Variants in ATP11A observed in about 807,000 individuals in gnomAD.
ATP11A encodes phospholipid-transporting ATPase IH.
ATP11A carries 81 observed loss-of-function variants against 154.4 expected under a neutral mutation model. The ratio of observed to expected loss-of-function variants is 0.52; its 90% CI spans 0.44 to 0.63. ATP11A has a LOEUF of 0.63. Ranked by LOEUF, ATP11A falls within the 30% of genes least tolerant of loss-of-function variation. The pLI is 0.00. For missense variants in ATP11A, 1,316 were observed against 1,474.3 expected (o/e 0.89, Z 1.76); for synonymous variants, 623 against 585.9 (o/e 1.06, Z -0.91).
chr13:112,806,144 C>G (rs1198727596), intron 3 of ATP11A, 69 bp from the exon 4 acceptor site: 4 of 1,251,658 alleles, frequency 3.2e-6, no homozygotes, highest in Non-Finnish European at 4.6e-6. Flanking sequence ...TGGCTCAGGG[C>G]AAACTAACCT....
chr13:112,699,218 A>G (rs879669623), intron 1 of ATP11A, among the ~76,000 whole-genome samples: 7 of 152,224 alleles, frequency 4.6e-5, no homozygotes, highest in East Asian at 1.9e-4. Flanking sequence ...CTCAACTCAG[A>G]TGAGTTATTC....
At chr13:112,816,263 G>A (rs554547414) in intron 6 of ATP11A, 52 bp downstream of exon 6, 126 of 1,611,184 alleles carry the variant, frequency 7.8e-5, no homozygotes, top group Middle Eastern at 3.3e-4. Context: ...GTCCTGCTTC[G>A]GACTGTGCCC....
At chr13:112,843,131 C>T (rs549452084) in intron 17 of ATP11A, among the ~76,000 whole-genome samples, 5 of 151,514 alleles carry the variant, frequency 3.3e-5, no homozygotes, top group African/African-American at 9.7e-5. Context: ...GTTGGGTGGA[C>T]GTGCTCTCTC....
intron 28 of ATP11A, 122 bp from the exon 29 acceptor site, chr13:112,878,095 C>A: frequency 1.1e-6 from 1 of 935,892 alleles, no homozygotes; most frequent in South Asian, 1.4e-5. Flanking sequence ...CTCTGACTAA[C>A]TCAGCTCTGT....
At chr13:112,834,763 C>A in intron 15 of ATP11A, 103 bp downstream of exon 15, 1 of 904,148 alleles carries the variant, frequency 1.1e-6, no homozygotes, top group East Asian at 2.6e-5. Context: ...CTATGTTCTC[C>A]CACAATTCGC....
At position 112,746,657 on chromosome 13, in the gene ATP11A, C is replaced by T. The variant is rs1362046622; in HGVS notation, c.40-38478C>T. 1 of 151,580 alleles carries T rather than the reference C, an allele frequency of 6.6e-6. No individual in the cohort carries two copies. The highest frequency in any genetic ancestry group is 2.4e-5 in the African/African-American group (1 of 41,222). 9.4% of individuals were successfully genotyped at this position (151,580 alleles called of 1,614,324 possible). ...ACCTCCTGGGCTCAAGCGATCCTCC[C>T]ACCTCAGTCTCCCCAGTAGCTGGGA... is the stretch of plus-strand genomic sequence containing the variant. On this transcript the variant is annotated intron_variant, in intron 1 of 29. Coordinates refer to ENST00000375645, the MANE Select transcript of ATP11A (RefSeq NM_015205.3). This position sits in a 1 kb window ranked among gnomAD's most constrained non-coding sequence, Gnocchi z 4.1.
At chr13:112,719,342 C>A (rs529474037) in intron 1 of ATP11A, among the ~76,000 whole-genome samples, 1 of 152,328 alleles carries the variant, frequency 6.6e-6, no homozygotes, top group African/African-American at 2.4e-5. Flanking sequence ...TTGTTATATT[C>A]TCACGTAATC....
At chr13:112,790,062 C>T (rs568443837) in intron 2 of ATP11A, among the ~76,000 whole-genome samples, 274 of 147,594 alleles carry the variant, frequency 1.9e-3, no homozygotes, top group Middle Eastern at 0.016. Flanking sequence ...AATTCACACC[C>T]GGCATCCTGA....
intron 12 of ATP11A, among the ~76,000 whole-genome samples, chr13:112,827,357 C>T (rs542513677): frequency 7.2e-5 from 11 of 152,348 alleles, no homozygotes; most frequent in Middle Eastern, 6.8e-3. Flanking sequence ...CGGGCTTCAC[C>T]GCCACACCTC....
Position 112,835,740 on chromosome 13 carries a change from A to T in ATP11A, c.1632-438A>T, listed in dbSNP as rs527718053. On this transcript the variant is annotated intron_variant, in intron 15 of 29. Transcript: ENST00000375645. ...CACAGGTTTTCTGAGTCTTCCGGTA[A>T]CAGGACAGCACCAGCCAAAACGCTT... 2.6e-5 allele frequency among the ~76,000 whole-genome samples: 4 copies of T among 152,352 alleles called. No individual in the cohort carries two copies. In the East Asian group the frequency reaches 7.7e-4, roughly 29 times the overall value.
At chr13:112,834,994 C>T (rs1009566999) in intron 15 of ATP11A, among the ~76,000 whole-genome samples, 1 of 152,272 alleles carries the variant, frequency 6.6e-6, no homozygotes, top group Non-Finnish European at 1.5e-5. Flanking sequence ...GTTCTGACCT[C>T]TCCAGGCCCC....
At chr13:112,845,793 T>TAGCGGTACTAACCAATCCAGTTA (rs1566564944) in intron 17 of ATP11A, among the ~76,000 whole-genome samples, 4 of 75,234 alleles carry the variant, frequency 5.3e-5, no homozygotes, top group East Asian at 6.3e-4. Flanking sequence ...CAGTCCAGTT[T>TAGCGGTACTAACCAATCCAGTTA]CCAGGCACTA....
chr13:112,859,552 C>T lies in ATP11A; in HGVS notation c.2727+100C>T. On this transcript the variant is annotated intron_variant, in intron 23 of 29. Transcript: ENST00000375645. This position sits in a 1 kb window ranked among gnomAD's most constrained non-coding sequence, Gnocchi z 4.3. Reference sequence around the variant, plus strand: ...AGGGGAGACTTGGGAATGAGCAGCACTCCCCGGCACCACGAGGGAGCCAGG... The same window carrying T: ...AGGGGAGACTTGGGAATGAGCAGCATTCCCCGGCACCACGAGGGAGCCAGG... 2 of 1,028,520 alleles carry T rather than the reference C, an allele frequency of 1.9e-6. No homozygotes were observed. Among genetic ancestry groups the T allele is most frequent in the Non-Finnish European group, 3.1e-6 (2 of 650,828 alleles). The allele number at this position is 1,028,520 out of a possible 1,614,324, so 63.7% of individuals were successfully genotyped here.
intron 1 of ATP11A, among the ~76,000 whole-genome samples, chr13:112,703,723 C>G (rs926505511): frequency 1.3e-5 from 2 of 151,732 alleles, no homozygotes; most frequent in African/African-American, 4.8e-5. Context: ...GTATTTATGT[C>G]TTCTTTTTGC....
intron 2 of ATP11A, among the ~76,000 whole-genome samples, chr13:112,786,737 G>A (rs1026649094): frequency 4.6e-5 from 7 of 152,386 alleles, no homozygotes; most frequent in South Asian, 2.1e-4. Flanking sequence ...ACGCACACGC[G>A]TGGACGGGCT....
rs117912732 is a variant in ATP11A at position 112,775,024 on chromosome 13, G to A, written c.40-10111G>A. 5.9e-5 allele frequency among the ~76,000 whole-genome samples: 9 copies of A among 152,398 alleles called. No individual in the cohort carries two copies. In the East Asian group the frequency reaches 9.6e-4, roughly 16 times the overall value. ...CATCGGGGTAGGCGGCAAGGCCAGCGGGCTGCAGCGTGTGCCTCGGATGTG... is the reference window on the plus strand; with the variant it reads ...CATCGGGGTAGGCGGCAAGGCCAGCAGGCTGCAGCGTGTGCCTCGGATGTG... On this transcript the variant is annotated intron_variant, in intron 1 of 29. Transcript: ENST00000375645.
intron 29 of ATP11A, among the ~76,000 whole-genome samples, chr13:112,879,342 T>C (rs1382906953): frequency 6.6e-6 from 1 of 152,258 alleles, no homozygotes; most frequent in Admixed American, 6.5e-5. Flanking sequence ...ATCAACAGTT[T>C]TCTAATTTAG....
At chr13:112,787,790 G>T (rs556762404) in intron 2 of ATP11A, among the ~76,000 whole-genome samples, 1 of 133,934 alleles carries the variant, frequency 7.5e-6, no homozygotes, top group Non-Finnish European at 1.5e-5. Flanking sequence ...GTGTCCTGAC[G>T]TGTAAACCCC....
At position 112,791,931 on chromosome 13, in the gene ATP11A, T is replaced by C. The variant is rs181211997; in HGVS notation, c.162+6674T>C. Among the ~76,000 whole-genome samples, 90 of 152,236 alleles carry C rather than the reference T, an allele frequency of 5.9e-4. No individual in the cohort carries two copies. In the East Asian group the frequency reaches 0.017, roughly 29 times the overall value. On this transcript the variant is annotated intron_variant, in intron 2 of 29. Transcript: ENST00000375645. Reference sequence around the variant, plus strand: ...TCACTCAGGAACGCACAGACCGGGGTCAACAGGCTCTCAGGAGCGCCGTCT... The same window carrying C: ...TCACTCAGGAACGCACAGACCGGGGCCAACAGGCTCTCAGGAGCGCCGTCT...
Sources: gnomAD v4.1 joint callset for allele counts (sites outside exome capture counted in the v4.1 genomes callset) on GRCh38, gnomAD v4.1.1 for gene constraint, Gnocchi (gnomAD v3.1) non-coding constraint, MANE v1.5 for transcripts, NCBI Gene and HGNC (gene_info 2026-07-23, HGNC 2026-07-21) for gene names.